Variants in NAV2 observed in about 807,000 individuals in gnomAD.
NAV2 encodes the protein neuron navigator 2, also known as helicase, APC down-regulated 1.
NAV2 carries 54 observed loss-of-function variants against 223.2 expected under a neutral mutation model. That is an observed-to-expected ratio of 0.24 (90% CI 0.19 to 0.30). The LOEUF is 0.30. Among genes scored for constraint, NAV2 ranks in the 10% least tolerant of loss-of-function variants. The pLI is 1.00. For missense variants in NAV2, 2,806 were observed against 3,147.5 expected, an observed-to-expected ratio of 0.89 and a Z score of 2.60; for synonymous variants, 1,279 against 1,239.3, an observed-to-expected ratio of 1.03 and a Z score of -0.67.
upstream of NAV2, among the ~76,000 whole-genome samples, chr11:19,348,605 A>G (rs1349886545): frequency 4.6e-5 from 7 of 152,244 alleles, no homozygotes; most frequent in Non-Finnish European, 1.0e-4. Context: ...GACACACAGC[A>G]TGCCCTTAAC....
intron 1 of NAV2, among the ~76,000 whole-genome samples, chr11:19,742,291 C>G (rs2052911924): frequency 6.6e-6 from 1 of 152,218 alleles, no homozygotes; most frequent in African/African-American, 2.4e-5. Context: ...CTCTTTCAGT[C>G]TCAATTTCCT....
At chr11:20,102,673 A>G (rs1461003527) in intron 32 of NAV2, among the ~76,000 whole-genome samples, 5 of 151,744 alleles carry the variant, frequency 3.3e-5, no homozygotes, top group Non-Finnish European at 5.9e-5. Flanking sequence ...AGCCTTTTCC[A>G]CTGATGCACC....
chr11:19,617,949 C>T (rs2046847316), intron 1 of NAV2, among the ~76,000 whole-genome samples: 1 of 152,202 alleles, frequency 6.6e-6, no homozygotes, highest in African/African-American at 2.4e-5. Flanking sequence ...ATCCCCATGA[C>T]TCACTCACTC....
chr11:19,748,670 G>A (rs188751471), intron 1 of NAV2, among the ~76,000 whole-genome samples: 2 of 152,318 alleles, frequency 1.3e-5, no homozygotes, highest in East Asian at 1.9e-4. Context: ...ATGTAATGAT[G>A]TGGGTAAAAT....
intron 3 of NAV2, among the ~76,000 whole-genome samples, chr11:19,858,371 G>A (rs1437242607): frequency 1.3e-5 from 2 of 152,188 alleles, no homozygotes; most frequent in African/African-American, 4.8e-5. Flanking sequence ...CATCCATGTT[G>A]TTGCAGATGG....
intron 32 of NAV2, among the ~76,000 whole-genome samples, chr11:20,102,418 T>C (rs906054411): frequency 2.0e-5 from 3 of 152,096 alleles, no homozygotes; most frequent in African/African-American, 7.2e-5. Context: ...GTCTGACCCA[T>C]GCCCGCTGCT....
chr11:19,481,046 C>G (rs149834860), intron 1 of NAV2, among the ~76,000 whole-genome samples: 1 of 152,166 alleles, frequency 6.6e-6, no homozygotes, highest in Non-Finnish European at 1.5e-5. Flanking sequence ...ACCTGCAGCC[C>G]GGACAGGTGA....
intron 36 of NAV2, among the ~76,000 whole-genome samples, chr11:20,110,398 A>G (rs1378824792): frequency 6.6e-6 from 1 of 152,054 alleles, no homozygotes; most frequent in Non-Finnish European, 1.5e-5. Context: ...ACATTTGGTG[A>G]TGTTTTTTGA....
intron 11 of NAV2, among the ~76,000 whole-genome samples, chr11:20,019,175 C>T (rs1017782083): frequency 6.6e-6 from 1 of 152,162 alleles, no homozygotes; most frequent in Non-Finnish European, 1.5e-5. Context: ...TGAGGGAAGG[C>T]TGAGCGACCC....
intron 11 of NAV2, among the ~76,000 whole-genome samples, chr11:19,999,649 G>T (rs1429510278): frequency 1.3e-5 from 2 of 152,194 alleles, no homozygotes; most frequent in Admixed American, 6.5e-5. Flanking sequence ...GGGATTACAG[G>T]CGTGAGTCAC....
At chr11:19,615,696 G>A (rs1306570362) in intron 1 of NAV2, among the ~76,000 whole-genome samples, 1 of 152,122 alleles carries the variant, frequency 6.6e-6, no homozygotes, top group African/African-American at 2.4e-5. Flanking sequence ...TGAAGATGGC[G>A]ATGAAATGAT....
intron 26 of NAV2, among the ~76,000 whole-genome samples, chr11:20,084,966 A>T (rs942871297): frequency 1.3e-5 from 2 of 152,082 alleles, no homozygotes; most frequent in Non-Finnish European, 2.9e-5. Flanking sequence ...AGGAGGGAGG[A>T]TTGCTTGAGG....
At chr11:19,377,227 G>A (rs7111228) in intron 1 of NAV2, among the ~76,000 whole-genome samples, 2,827 of 152,290 alleles carry the variant, frequency 0.019, 97 homozygotes, top group African/African-American at 0.065. Flanking sequence ...AGGGCAAATA[G>A]GAATGTTGTC....
At chr11:19,858,017 C>T (rs7104598) in intron 3 of NAV2, among the ~76,000 whole-genome samples, 2,526 of 152,242 alleles carry the variant, frequency 0.017, 76 homozygotes, top group African/African-American at 0.057. Context: ...CCACCATGCC[C>T]GGCTAATTTT....
At chr11:19,396,428 G>A (rs1005143024) in intron 1 of NAV2, among the ~76,000 whole-genome samples, 4 of 152,152 alleles carry the variant, frequency 2.6e-5, no homozygotes, top group African/African-American at 7.2e-5. Context: ...ACCCATGAGG[G>A]TGTCTACACA....
intron 1 of NAV2, among the ~76,000 whole-genome samples, chr11:19,546,006 G>A (rs73420165): frequency 0.047 from 7,080 of 152,194 alleles, 573 homozygotes; most frequent in African/African-American, 0.16. Context: ...GTTCCAAGTA[G>A]GTTGGGGTAG....
At chr11:19,860,275 G>A (rs1375805535) in intron 3 of NAV2, among the ~76,000 whole-genome samples, 3 of 141,358 alleles carry the variant, frequency 2.1e-5, no homozygotes, top group African/African-American at 5.7e-5. Context: ...CTTCTCAGAC[G>A]GGGCGGCTGC....
chr11:19,572,754 T>A (rs2045462058), intron 1 of NAV2, among the ~76,000 whole-genome samples: 1 of 152,204 alleles, frequency 6.6e-6, no homozygotes, highest in Non-Finnish European at 1.5e-5. Context: ...ATTTTCTTCA[T>A]CTGTAAAATG....
chr11:19,605,202 A>C (rs2135278333), intron 1 of NAV2, among the ~76,000 whole-genome samples: 1 of 152,298 alleles, frequency 6.6e-6, no homozygotes, highest in South Asian at 2.1e-4. Flanking sequence ...GAGTTGGGGC[A>C]AGGGATATTT....
Sources: gnomAD v4.1 joint callset for allele counts (sites outside exome capture counted in the v4.1 genomes callset) on GRCh38, gnomAD v4.1.1 for gene constraint, MANE v1.5 for transcripts, NCBI Gene and HGNC (gene_info 2026-07-23, HGNC 2026-07-21) for gene names.